KCNAB2: variants seen among roughly 807,000 people sequenced by gnomAD.
The protein encoded by KCNAB2 is potassium voltage-gated channel subfamily A regulatory beta subunit 2, also known as voltage-gated potassium channel subunit beta-2.
Under a neutral mutation model 63.6 loss-of-function variants are expected in KCNAB2, and 29 were observed. The observed-to-expected ratio is 0.46, with a 90% CI of 0.34 to 0.62. The LOEUF (loss-of-function observed/expected upper bound fraction) is 0.62. Among genes scored for constraint, KCNAB2 ranks in the 20% least tolerant of loss-of-function variants. KCNAB2 has a pLI of 0.01. For missense variants in KCNAB2, 359 were observed against 563.9 expected (o/e 0.64, Z 3.68); for synonymous variants, 222 against 224.2 (o/e 0.99, Z 0.09).
intron 1 of KCNAB2, among the ~76,000 whole-genome samples, chr1:6,002,060 G>T: frequency 6.6e-6 from 1 of 152,134 alleles, no homozygotes; most frequent in East Asian, 1.9e-4. Context: ...CATCACCTCT[G>T]TCCCCCAGCT....
chr1:6,087,783 G>A lies in KCNAB2; in HGVS notation c.470+272G>A, dbSNP rs111840399. ...CAAATCCAGAAAAGAAGCTGTGGCC[G>A]AGTTTGCCTTTTACAAAAACCTCGC... is the stretch of plus-strand genomic sequence containing the variant. On this transcript the variant is annotated intron_variant, in intron 7 of 15. Transcript: ENST00000378083. This position sits in a 1 kb window ranked among gnomAD's most constrained non-coding sequence, Gnocchi z 6.4. Among the ~76,000 whole-genome samples the A allele has an allele frequency of 2.5e-3, 377 of 152,352 alleles. 1 individual carries two copies. Among genetic ancestry groups the A allele is most frequent in the Non-Finnish European group, 4.6e-3 (312 of 68,044 alleles).
Position 6,099,836 on chromosome 1 carries a change from A to C in KCNAB2, c.*1262A>C, listed in dbSNP as rs751316301. On this transcript the variant is annotated 3_prime_UTR_variant, in exon 16 of 16. Coordinates refer to ENST00000378083, the MANE Select transcript of KCNAB2 (RefSeq NM_001199862.2). ...GGGACAGGCTGGGCAGAGGGGAGAG[A>C]GGGCAGGACAGGCCAGAGTGACGCC... 3 of 1,539,794 alleles carry C rather than the reference A, an allele frequency of 1.9e-6. No homozygotes were observed. Among genetic ancestry groups the C allele is most frequent in the Non-Finnish European group, 2.6e-6 (3 of 1,141,620 alleles).
At chr1:6,039,640 G>C (rs1660333606) in intron 1 of KCNAB2, among the ~76,000 whole-genome samples, 1 of 152,168 alleles carries the variant, frequency 6.6e-6, no homozygotes, top group African/African-American at 2.4e-5. Context: ...TGCTGTTTTG[G>C]GACCCCTGAG....
chr1:6,096,306 CAGCCG>C lies in KCNAB2; in HGVS notation c.949-327_949-323del. 1 of 405,692 alleles carries C rather than the reference CAGCCG, an allele frequency of 2.5e-6. No individual in the cohort carries two copies. Among genetic ancestry groups the C allele is most frequent in the Non-Finnish European group, 4.7e-6 (1 of 212,594 alleles). The allele number at this position is 405,692 out of a possible 1,614,324, so 25.1% of individuals were successfully genotyped here. On this transcript the variant is annotated intron_variant, in intron 13 of 15. Transcript: ENST00000378083. This position sits in a 1 kb window ranked among gnomAD's most constrained non-coding sequence, Gnocchi z 5.9. ...GGAGGTTCTTCTGGGCCACGGGTGG[CAGCCG>C]AGACCCCAGGCTGCCAAGTTTCCTA...
intron 1 of KCNAB2, among the ~76,000 whole-genome samples, chr1:6,019,945 T>A (rs1658727753): frequency 6.6e-6 from 1 of 152,206 alleles, no homozygotes; most frequent in South Asian, 2.1e-4. Flanking sequence ...GTGAAAGTTA[T>A]GAGGAAGCTG....
intron 1 of KCNAB2, among the ~76,000 whole-genome samples, chr1:6,036,278 G>A (rs564411304): frequency 3.3e-5 from 5 of 152,230 alleles, no homozygotes; most frequent in East Asian, 3.9e-4. Context: ...CGAGGCGGGC[G>A]GATCACTTGA....
intron 1 of KCNAB2, among the ~76,000 whole-genome samples, chr1:6,020,524 C>T (rs1658758430): frequency 6.6e-6 from 1 of 152,258 alleles, no homozygotes. Context: ...CAGAATTTTC[C>T]CGAAGCCCCA....
intron 2 of KCNAB2, among the ~76,000 whole-genome samples, chr1:6,052,825 T>C (rs1251122109): frequency 6.6e-6 from 1 of 152,098 alleles, no homozygotes; most frequent in Non-Finnish European, 1.5e-5. Flanking sequence ...ATACGTTCCA[T>C]GCAATATTTG....
chr1:6,001,827 G>A (rs370655173), intron 1 of KCNAB2, among the ~76,000 whole-genome samples: 23 of 152,288 alleles, frequency 1.5e-4, no homozygotes, highest in African/African-American at 5.1e-4. Context: ...TAGGTTCTCT[G>A]AGTCTTTGAC....
chr1:6,067,287 G>A (rs552768796), intron 2 of KCNAB2, among the ~76,000 whole-genome samples: 1 of 152,332 alleles, frequency 6.6e-6, no homozygotes, highest in East Asian at 1.9e-4. Flanking sequence ...AACAGGAACC[G>A]AACTGGGGAC....
intron 1 of KCNAB2, among the ~76,000 whole-genome samples, chr1:6,011,224 G>A (rs972704919): frequency 6.6e-6 from 1 of 152,244 alleles, no homozygotes; most frequent in East Asian, 1.9e-4. Flanking sequence ...AAACAGGCAG[G>A]CAGCTGTGCC....
chr1:6,023,503 G>A (rs11121053), intron 1 of KCNAB2, among the ~76,000 whole-genome samples: 85,709 of 151,980 alleles, frequency 0.56, 24,475 homozygotes, highest in East Asian at 0.65. Flanking sequence ...TGGCTGCGAG[G>A]TAGTATCTCA....
At chr1:6,029,223 C>T (rs1472996243) in intron 1 of KCNAB2, among the ~76,000 whole-genome samples, 1 of 146,798 alleles carries the variant, frequency 6.8e-6, no homozygotes, top group East Asian at 2.0e-4. Context: ...GCAGAGGCTG[C>T]AGTGAGCCGA....
At chr1:6,040,013 C>T (rs192199083) in intron 1 of KCNAB2, among the ~76,000 whole-genome samples, 107 of 152,352 alleles carry the variant, frequency 7.0e-4, no homozygotes, top group African/African-American at 2.3e-3. Flanking sequence ...ACATCAGTGG[C>T]ATCTGAGAAG....
intron 1 of KCNAB2, among the ~76,000 whole-genome samples, chr1:5,993,286 G>T (rs1442740737): frequency 6.6e-6 from 1 of 151,506 alleles, no homozygotes; most frequent in Admixed American, 6.6e-5. Context: ...GTGTCGCTCC[G>T]GTCCCTTTCC....
chr1:6,057,896 A>G (rs552458769), intron 2 of KCNAB2, among the ~76,000 whole-genome samples: 1 of 152,224 alleles, frequency 6.6e-6, no homozygotes, highest in East Asian at 1.9e-4. Flanking sequence ...CATGCTTATA[A>G]TCCCAGCATC....
At chr1:6,048,132 G>A (rs958112565) in intron 1 of KCNAB2, among the ~76,000 whole-genome samples, 1 of 152,200 alleles carries the variant, frequency 6.6e-6, no homozygotes, top group African/African-American at 2.4e-5. Flanking sequence ...TTGTGAAGGG[G>A]GCGATTATTC....
intron 1 of KCNAB2, among the ~76,000 whole-genome samples, chr1:6,014,859 TC>T (rs1363954546): frequency 6.6e-6 from 1 of 151,992 alleles, no homozygotes; most frequent in Non-Finnish European, 1.5e-5. Flanking sequence ...CTGAAGGAGT[TC>T]CCCCTTCCAG....
intron 2 of KCNAB2, among the ~76,000 whole-genome samples, chr1:6,058,743 A>G (rs1013538359): frequency 7.2e-5 from 11 of 152,350 alleles, no homozygotes; most frequent in African/African-American, 2.6e-4. Flanking sequence ...AGGAAGGAAC[A>G]GGAGGAGGGA....
Sources: gnomAD v4.1 joint callset for allele counts (sites outside exome capture counted in the v4.1 genomes callset) on GRCh38, gnomAD v4.1.1 for gene constraint, Gnocchi (gnomAD v3.1) non-coding constraint, MANE v1.5 for transcripts, NCBI Gene and HGNC (gene_info 2026-07-23, HGNC 2026-07-21) for gene names.